LPP: variants seen among roughly 807,000 people sequenced by gnomAD.
The protein encoded by LPP is LIM domain containing preferred translocation partner in lipoma, also known as lipoma-preferred partner.
In LPP, 38 loss-of-function variants were observed where a neutral mutation model predicts 60.4. The ratio of observed to expected loss-of-function variants is 0.63; its 90% CI spans 0.49 to 0.83. The LOEUF (loss-of-function observed/expected upper bound fraction) is 0.83, where lower values mean the gene tolerates loss of function less well. Ranked by LOEUF, LPP falls within the 40% of genes least tolerant of loss-of-function variation. LPP has a pLI of 0.00. For missense variants in LPP, 902 were observed against 783.6 expected, an observed-to-expected ratio of 1.15 and a Z score of -1.80; for synonymous variants, 328 against 290.8, an observed-to-expected ratio of 1.13 and a Z score of -1.30.
intron 7 of LPP, among the ~76,000 whole-genome samples, chr3:188,677,771 G>A (rs1858450374): frequency 6.6e-6 from 1 of 152,096 alleles, no homozygotes; most frequent in African/African-American, 2.4e-5. Flanking sequence ...TGTTATGGAA[G>A]TACAACAGGA....
intron 9 of LPP, among the ~76,000 whole-genome samples, chr3:188,798,524 A>T (rs1358259301): frequency 2.0e-5 from 3 of 152,170 alleles, no homozygotes; most frequent in African/African-American, 7.2e-5. Flanking sequence ...AGTTCATTTT[A>T]TCTTTCCTCA....
intron 4 of LPP, among the ~76,000 whole-genome samples, chr3:188,407,790 T>TTTTG (rs1783972762): frequency 1.3e-5 from 1 of 76,324 alleles, no homozygotes; most frequent in African/African-American, 4.9e-5. Flanking sequence ...GTTTGTTTGT[T>TTTTG]TTTTTTTTTT....
chr3:188,751,737 A>G (rs558662804), intron 8 of LPP, among the ~76,000 whole-genome samples: 4 of 152,298 alleles, frequency 2.6e-5, no homozygotes, highest in African/African-American at 7.2e-5. Context: ...ATCAACTGTT[A>G]TGGAGATAAT....
chr3:188,656,544 C>G (rs1853257572), intron 7 of LPP, among the ~76,000 whole-genome samples: 1 of 152,244 alleles, frequency 6.6e-6, no homozygotes, highest in Non-Finnish European at 1.5e-5. Context: ...CCTGCCAAGG[C>G]CTTGTGGCTA....
At chr3:188,162,484 A>G (rs1055237608) in intron 1 of LPP, among the ~76,000 whole-genome samples, 1 of 152,216 alleles carries the variant, frequency 6.6e-6, no homozygotes, top group Non-Finnish European at 1.5e-5. Context: ...GACTATATTC[A>G]AGGCTTTGGA....
At chr3:188,162,097 C>T (rs774444119) in intron 1 of LPP, among the ~76,000 whole-genome samples, 5 of 152,180 alleles carry the variant, frequency 3.3e-5, no homozygotes, top group Admixed American at 1.3e-4. Flanking sequence ...TTTGTCTTCC[C>T]TATTGAACCT....
intron 8 of LPP, among the ~76,000 whole-genome samples, chr3:188,753,576 T>TGC (rs1271967836): frequency 1.5e-4 from 19 of 130,540 alleles, no homozygotes; most frequent in South Asian, 4.9e-4. Context: ...TGGCTTGTTG[T>TGC]GTGCGTGTGT....
chr3:188,440,575 C>A (rs9855436), intron 4 of LPP, among the ~76,000 whole-genome samples: 151,387 of 152,330 alleles, frequency 0.99, 75,237 homozygotes, highest in Middle Eastern at 1. Context: ...TTCTTGCATG[C>A]TTGCTGACAA....
intron 6 of LPP, among the ~76,000 whole-genome samples, chr3:188,592,557 G>GTTTTTTGTTTTTTTT (rs1553936333): frequency 1.2e-5 from 1 of 85,756 alleles, no homozygotes; most frequent in African/African-American, 4.5e-5. Flanking sequence ...TTTTGTTTTT[G>GTTTTTTGTTTTTTTT]TTTTTTAAAT....
At chr3:188,418,251 T>C (rs1259725911) in intron 4 of LPP, among the ~76,000 whole-genome samples, 2 of 152,164 alleles carry the variant, frequency 1.3e-5, no homozygotes, top group East Asian at 1.9e-4. Flanking sequence ...GTATTGGTAA[T>C]GTACGATAAA....
In LPP at chr3:188,875,599, A is replaced by G. The variant is rs372144136; in HGVS notation, c.*1120A>G. 6.8e-5 allele frequency: 14 copies of G among 207,192 alleles called. No individual in the cohort carries two copies. The South Asian group carries it at 1.5e-3, about 22-fold the overall frequency. 12.8% of individuals were successfully genotyped at this position (207,192 alleles called of 1,614,324 possible). On this transcript the variant is annotated 3_prime_UTR_variant, in exon 12 of 12. Transcript: ENST00000617246. The stretch of plus-strand genomic sequence containing the variant: ...GAAAGCTTGAAAAGATTCTGAAACC[A>G]CAGTTTCATTATTCTCATAATCCTT...
At chr3:188,535,827 A>G (rs960535004) in intron 6 of LPP, among the ~76,000 whole-genome samples, 3 of 152,192 alleles carry the variant, frequency 2.0e-5, no homozygotes, top group East Asian at 1.9e-4. Flanking sequence ...TATTCTCCAC[A>G]GAACTGAAGA....
intron 6 of LPP, among the ~76,000 whole-genome samples, chr3:188,567,731 A>C (rs1832534727): frequency 6.6e-6 from 1 of 151,986 alleles, no homozygotes; most frequent in African/African-American, 2.4e-5. Context: ...GGATTATCAG[A>C]TATTACACAA....
intron 6 of LPP, among the ~76,000 whole-genome samples, chr3:188,536,757 A>G (rs1202431294): frequency 6.6e-6 from 1 of 152,244 alleles, no homozygotes; most frequent in Non-Finnish European, 1.5e-5. Flanking sequence ...AAGAAACAAT[A>G]AAGCTTGAAG....
At chr3:188,796,980 A>T (rs1745557157) in intron 9 of LPP, among the ~76,000 whole-genome samples, 1 of 152,068 alleles carries the variant, frequency 6.6e-6, no homozygotes, top group African/African-American at 2.4e-5. Flanking sequence ...TCCCTTCTAA[A>T]ACTTCCACTA....
chr3:188,870,743 C>T (rs1019980424), intron 10 of LPP, among the ~76,000 whole-genome samples: 5 of 152,162 alleles, frequency 3.3e-5, no homozygotes, highest in African/African-American at 7.2e-5. Context: ...GAGCCCTCCT[C>T]GAATTGCTAT....
chr3:188,868,923 G>A (rs910763392), intron 10 of LPP, among the ~76,000 whole-genome samples: 1 of 152,210 alleles, frequency 6.6e-6, no homozygotes, highest in Non-Finnish European at 1.5e-5. Context: ...CTGTCAGCAA[G>A]GAGCTTGCCA....
At chr3:188,342,658 G>C (rs1483214258) in intron 3 of LPP, among the ~76,000 whole-genome samples, 4 of 152,048 alleles carry the variant, frequency 2.6e-5, no homozygotes. Context: ...CTATGACCTC[G>C]AACTGCAACC....
intron 4 of LPP, among the ~76,000 whole-genome samples, chr3:188,463,679 C>CATA (rs1348793925): frequency 2.0e-5 from 3 of 152,102 alleles, no homozygotes; most frequent in Admixed American, 6.6e-5. Flanking sequence ...TGGCAGAGAC[C>CATA]ATAAGCAGTA....
Sources: gnomAD v4.1 joint callset for allele counts (sites outside exome capture counted in the v4.1 genomes callset) on GRCh38, gnomAD v4.1.1 for gene constraint, MANE v1.5 for transcripts, NCBI Gene and HGNC (gene_info 2026-07-23, HGNC 2026-07-21) for gene names.